Variants in EPHA6 observed in about 807,000 individuals in gnomAD.
EPHA6 encodes the protein EPH receptor A6.
In EPHA6, 50 loss-of-function variants were observed where a neutral mutation model predicts 112.0. That is an observed-to-expected ratio of 0.45 (90% CI 0.36 to 0.56). EPHA6 has a LOEUF of 0.56. EPHA6 is among the 20% of genes least tolerant of loss of function. EPHA6 has a pLI of 0.00. For synonymous variants in EPHA6, 529 were observed against 490.7 expected (o/e 1.08, Z -1.03); for missense variants, 1,280 against 1,417.4 (o/e 0.90, Z 1.56).
intron 3 of EPHA6, among the ~76,000 whole-genome samples, chr3:97,175,634 A>AT (rs201711889): frequency 6.6e-6 from 1 of 151,436 alleles, no homozygotes; most frequent in East Asian, 1.9e-4. Context: ...TATGTATTTA[A>AT]TTTTTTGTGT....
intron 13 of EPHA6, among the ~76,000 whole-genome samples, chr3:97,614,292 T>G (rs2093744728): frequency 6.6e-6 from 1 of 151,700 alleles, no homozygotes; most frequent in African/African-American, 2.4e-5. Flanking sequence ...ACTACTGGTT[T>G]CAGTGCAAGA....
At chr3:97,389,310 T>G (rs2086260484) in intron 5 of EPHA6, among the ~76,000 whole-genome samples, 1 of 152,226 alleles carries the variant, frequency 6.6e-6, no homozygotes, top group Non-Finnish European at 1.5e-5. Flanking sequence ...GGAGCAGTAC[T>G]GGCTGAATAT....
In EPHA6 at chr3:96,857,834, CA is replaced by C. The variant is rs566462302; in HGVS notation, c.386-8990del. On this transcript the variant is annotated intron_variant, in intron 1 of 17. Coordinates refer to ENST00000389672, the MANE Select transcript of EPHA6 (RefSeq NM_001080448.3). ...GAAAATGATTAGAAAATAAGATTTT[CA>C]TTTAAATTATTTTTGTAGCATCTCC... Among the ~76,000 whole-genome samples the C allele has an allele frequency of 4.6e-5, 7 of 152,164 alleles. No individual in the cohort carries two copies. The South Asian group carries it at 1.5e-3, about 32-fold the overall frequency.
intron 5 of EPHA6, among the ~76,000 whole-genome samples, chr3:97,299,750 T>C (rs2081019771): frequency 1.3e-5 from 2 of 152,182 alleles, no homozygotes; most frequent in African/African-American, 4.8e-5. Context: ...GAATTTGTTT[T>C]CTTCTTATAA....
At chr3:97,701,515 C>T (rs2033387357) in intron 14 of EPHA6, among the ~76,000 whole-genome samples, 1 of 151,984 alleles carries the variant, frequency 6.6e-6, no homozygotes, top group Non-Finnish European at 1.5e-5. Flanking sequence ...TATCTGATAT[C>T]TAATACATAT....
chr3:97,678,497 T>C (rs559658398), intron 14 of EPHA6, among the ~76,000 whole-genome samples: 14 of 152,154 alleles, frequency 9.2e-5, no homozygotes, highest in Admixed American at 2.0e-4. Context: ...GATCTGTTCC[T>C]GCTATTCTTA....
chr3:96,990,789 T>C (rs1361372686), intron 3 of EPHA6, among the ~76,000 whole-genome samples: 1 of 152,108 alleles, frequency 6.6e-6, no homozygotes, highest in East Asian at 1.9e-4. Flanking sequence ...TATCATTGCT[T>C]TTATTGCCAT....
intron 7 of EPHA6, among the ~76,000 whole-genome samples, chr3:97,473,699 A>C (rs58368796): frequency 0.19 from 28,748 of 151,760 alleles, 4,107 homozygotes; most frequent in African/African-American, 0.38. Context: ...TTTGTTATTC[A>C]ATAACTTTCA....
Position 97,542,622 on chromosome 3 carries a change from C to T in EPHA6, c.2386+10079C>T, listed in dbSNP as rs144057214. The stretch of plus-strand genomic sequence containing the variant: ...TGGGTATATACCCAGTAATGGGATT[C>T]GTGGGTCAAATGGTATTTCTAGTTC... On this transcript the variant is annotated intron_variant, in intron 11 of 17. Transcript: ENST00000389672. Among the ~76,000 whole-genome samples, 281 of 152,184 alleles carry T rather than the reference C, an allele frequency of 1.8e-3. 4 individuals are homozygous for T. The East Asian group carries it at 0.044, about 24-fold the overall frequency.
intron 5 of EPHA6, among the ~76,000 whole-genome samples, chr3:97,371,855 C>T (rs58098070): frequency 0.017 from 2,639 of 152,174 alleles, 84 homozygotes; most frequent in African/African-American, 0.059. Flanking sequence ...TACCGTCGTA[C>T]ATAAGGGATG....
At chr3:97,333,322 C>T (rs2082890812) in intron 5 of EPHA6, among the ~76,000 whole-genome samples, 1 of 151,934 alleles carries the variant, frequency 6.6e-6, no homozygotes, top group African/African-American at 2.4e-5. Flanking sequence ...GTGTATCCTA[C>T]CACTTTGATG....
At chr3:97,401,326 GAGACTT>G (rs1296108458) in intron 5 of EPHA6, among the ~76,000 whole-genome samples, 37 of 151,558 alleles carry the variant, frequency 2.4e-4, no homozygotes, top group Non-Finnish European at 8.9e-5. Context: ...TCTCTGTTGG[GAGACTT>G]TTTATTACTG....
chr3:97,062,273 T>G (rs1246403243), intron 3 of EPHA6, among the ~76,000 whole-genome samples: 3 of 152,062 alleles, frequency 2.0e-5, no homozygotes, highest in African/African-American at 7.2e-5. Flanking sequence ...AATGTTTATA[T>G]AAAAATTAAT....
At chr3:97,212,785 C>T (rs76743023) in intron 3 of EPHA6, among the ~76,000 whole-genome samples, 19 of 152,026 alleles carry the variant, frequency 1.2e-4, no homozygotes, top group African/African-American at 4.6e-4. Flanking sequence ...TGGCAACTTA[C>T]CTGAGTTTGC....
chr3:96,906,679 A>G (rs528638468), intron 2 of EPHA6, among the ~76,000 whole-genome samples: 11 of 152,140 alleles, frequency 7.2e-5, no homozygotes, highest in East Asian at 3.9e-4. Context: ...GTTGTGGTCA[A>G]TGAGACTACA....
intron 5 of EPHA6, among the ~76,000 whole-genome samples, chr3:97,309,960 A>C (rs9827638): frequency 0.016 from 2,431 of 151,842 alleles, 77 homozygotes; most frequent in African/African-American, 0.056. Context: ...TGAACTATCA[A>C]ATAATAACTA....
At chr3:97,411,077 C>G (rs1393385768) in intron 6 of EPHA6, among the ~76,000 whole-genome samples, 1 of 150,710 alleles carries the variant, frequency 6.6e-6, no homozygotes, top group Non-Finnish European at 1.5e-5. Context: ...TTATTTGTTG[C>G]AGTGTCCACC....
intron 11 of EPHA6, among the ~76,000 whole-genome samples, chr3:97,565,776 T>C (rs909153844): frequency 2.0e-5 from 3 of 152,092 alleles, no homozygotes; most frequent in Admixed American, 6.5e-5. Flanking sequence ...CCCAGCACTT[T>C]GGGAGGCTGA....
intron 1 of EPHA6, among the ~76,000 whole-genome samples, chr3:96,821,298 T>C (rs991361606): frequency 1.3e-4 from 20 of 151,980 alleles, no homozygotes; most frequent in Admixed American, 3.9e-4. Flanking sequence ...TTTAGAAAAT[T>C]CATATTCTGG....
Sources: gnomAD v4.1 joint callset for allele counts (sites outside exome capture counted in the v4.1 genomes callset) on GRCh38, gnomAD v4.1.1 for gene constraint, MANE v1.5 for transcripts, NCBI Gene and HGNC (gene_info 2026-07-23, HGNC 2026-07-21) for gene names.